Variants in GRIN2D observed in about 807,000 individuals in gnomAD.
GRIN2D encodes glutamate receptor ionotropic, NMDA 2D.
Under a neutral mutation model 103.2 loss-of-function variants are expected in GRIN2D, and 37 were observed. The ratio of observed to expected loss-of-function variants is 0.36; its 90% CI spans 0.28 to 0.47. GRIN2D has a LOEUF of 0.47. GRIN2D is among the 20% of genes least tolerant of loss of function. The pLI, the probability that GRIN2D is intolerant of heterozygous loss-of-function variation, is 1.00. For missense variants in GRIN2D, 1,557 were observed against 1,910.6 expected, an observed-to-expected ratio of 0.81 and a Z score of 3.45; for synonymous variants, 845 against 885.6, an observed-to-expected ratio of 0.95 and a Z score of 0.81.
intron 7 of GRIN2D, 111 bp from the exon 8 acceptor site, chr19:48,415,891 C>A: frequency 1.1e-6 from 1 of 932,702 alleles, no homozygotes; most frequent in Non-Finnish European, 1.7e-6. Context: ...TTGGCCCCTT[C>A]CCTCACCCTG....
chr19:48,420,091 C>G (rs1971001826), intron 10 of GRIN2D, among the ~76,000 whole-genome samples: 1 of 152,074 alleles, frequency 6.6e-6, no homozygotes, highest in Admixed American at 6.6e-5. Context: ...ATAGGATATT[C>G]TAGAACCAGT....
Position 48,419,228 on chromosome 19 carries a change from C to T in GRIN2D, c.1736-6C>T. Reference sequence around the variant, plus strand: ...GAGCCATAACCACGCACTCCCTTGTCCCCAGAGCCCTACAGCCCCGCCGTG... The same window carrying T: ...GAGCCATAACCACGCACTCCCTTGTTCCCAGAGCCCTACAGCCCCGCCGTG... On this transcript the variant is annotated splice_polypyrimidine_tract_variant and splice_region_variant and intron_variant, in intron 8 of 13. Transcript: ENST00000263269. 6.2e-7 allele frequency: 1 copy of T among 1,604,468 alleles called. No individual in the cohort carries two copies. The highest frequency in any genetic ancestry group is 1.7e-4 in the Middle Eastern group (1 of 5,982).
chr19:48,439,310 A>G (rs1236140469), intron 11 of GRIN2D, among the ~76,000 whole-genome samples: 1 of 152,046 alleles, frequency 6.6e-6, no homozygotes, highest in African/African-American at 2.4e-5. Flanking sequence ...TCAGAGCATA[A>G]GCATTTATCT....
At chr19:48,427,699 C>T (rs964656574) in intron 11 of GRIN2D, among the ~76,000 whole-genome samples, 2 of 151,620 alleles carry the variant, frequency 1.3e-5, no homozygotes, top group African/African-American at 4.8e-5. Flanking sequence ...GGTTGATCCA[C>T]CTTGAACTCT....
chr19:48,441,362 CAAAAAA>C (rs1173219939), intron 11 of GRIN2D, among the ~76,000 whole-genome samples: 54 of 127,308 alleles, frequency 4.2e-4, no homozygotes, highest in African/African-American at 1.6e-3. Context: ...GACTCTGTCT[CAAAAAA>C]AAAAAAAAAA....
At chr19:48,430,781 A>C (rs900190327) in intron 11 of GRIN2D, among the ~76,000 whole-genome samples, 1 of 150,930 alleles carries the variant, frequency 6.6e-6, no homozygotes, top group Non-Finnish European at 1.5e-5. Flanking sequence ...TTAATATGTT[A>C]GAAGTATCAG....
chr19:48,416,767 G>T lies in GRIN2D; in HGVS notation c.1735+612G>T, dbSNP rs1309906344. ...TCTCTTTTTTTTTTTTTCAGACAGA[G>T]TCTCACTCTGTCGCCCAGGCTGGAA... On this transcript the variant is annotated intron_variant, in intron 8 of 13. Transcript: ENST00000263269. Among the ~76,000 whole-genome samples, 6 of 146,284 alleles carry T rather than the reference G, an allele frequency of 4.1e-5. No individual in the cohort carries two copies. The South Asian group carries it at 1.3e-3, about 31-fold the overall frequency.
At chr19:48,426,219 T>C (rs565766925) in intron 11 of GRIN2D, among the ~76,000 whole-genome samples, 49 of 146,224 alleles carry the variant, frequency 3.4e-4, no homozygotes, top group Non-Finnish European at 6.2e-4. Context: ...TTTCTTTCTT[T>C]CTTTCTTTTT....
At chr19:48,441,717 G>A (rs1971293902) in intron 11 of GRIN2D, 52 bp from the exon 12 acceptor site, 1 of 1,485,500 alleles carries the variant, frequency 6.7e-7, no homozygotes, top group South Asian at 1.3e-5. Context: ...AGGCCTGGCG[G>A]CCAGGGCATC....
At chr19:48,406,518 G>A (rs1970793988) in intron 4 of GRIN2D, among the ~76,000 whole-genome samples, 1 of 152,170 alleles carries the variant, frequency 6.6e-6, no homozygotes, top group South Asian at 2.1e-4. Flanking sequence ...CTAAGAGAGG[G>A]TAATTGAGAA....
intron 4 of GRIN2D, 97 bp from the exon 5 acceptor site, chr19:48,413,887 AGCTGGGG>A: frequency 1.4e-6 from 1 of 705,766 alleles, no homozygotes; most frequent in Non-Finnish European, 2.6e-6. Context: ...GAGAGATTCC[AGCTGGGG>A]GCTGGGGCTG....
At position 48,398,773 on chromosome 19, in the gene GRIN2D, G is replaced by A; in HGVS notation, c.381G>A (p.Ala127=). ...FEDDSRAPAV[A]PILDFLSAQT... The stretch of plus-strand genomic sequence containing the variant: ...ACGACTCGCGCGCGCCCGCCGTCGC[G>A]CCCATCCTCGACTTCCTGTCGGCGC... The change falls in exon 3 of 14, where the codon GCG becomes GCA. Residue 127 remains alanine (A), a synonymous_variant. Transcript: ENST00000263269. 3.4e-6 allele frequency: 5 copies of A among 1,461,804 alleles called. No homozygotes were observed. Among genetic ancestry groups the A allele is most frequent in the Non-Finnish European group, 4.5e-6 (5 of 1,112,378 alleles). 90.6% of individuals were successfully genotyped at this position (1,461,804 alleles called of 1,614,324 possible).
chr19:48,410,018 C>T (rs1176308432), intron 4 of GRIN2D, among the ~76,000 whole-genome samples: 1 of 151,406 alleles, frequency 6.6e-6, no homozygotes, highest in African/African-American at 2.4e-5. Flanking sequence ...CTCCTGACCT[C>T]AAGTGATCTG....
chr19:48,403,441 A>AT (rs1970742796), intron 3 of GRIN2D, among the ~76,000 whole-genome samples: 1 of 152,074 alleles, frequency 6.6e-6, no homozygotes, highest in Non-Finnish European at 1.5e-5. Context: ...TCTATTTAAC[A>AT]TTTTTTTCCT....
At chr19:48,402,275 C>T (rs997813107) in intron 3 of GRIN2D, among the ~76,000 whole-genome samples, 9 of 151,902 alleles carry the variant, frequency 5.9e-5, no homozygotes, top group Admixed American at 2.0e-4. Context: ...ACAACTGGAG[C>T]TATCTTTGAA....
At chr19:48,403,562 TG>T (rs1970744568) in intron 3 of GRIN2D, among the ~76,000 whole-genome samples, 1 of 152,164 alleles carries the variant, frequency 6.6e-6, no homozygotes. Flanking sequence ...CTCATGGGCC[TG>T]GTTGAGATCA....
chr19:48,429,729 G>A (rs1166985026), intron 11 of GRIN2D, among the ~76,000 whole-genome samples: 1 of 151,480 alleles, frequency 6.6e-6, no homozygotes, highest in Non-Finnish European at 1.5e-5. Context: ...GTGTGTGTGT[G>A]TGTGTGTGTG....
At chr19:48,408,081 T>C (rs1970812609) in intron 4 of GRIN2D, among the ~76,000 whole-genome samples, 2 of 152,178 alleles carry the variant, frequency 1.3e-5, no homozygotes, top group Admixed American at 1.3e-4. Flanking sequence ...ACACCTGTAA[T>C]CCCAGCACTT....
Position 48,442,995 on chromosome 19 carries a change from CT to C in GRIN2D, c.3071del (p.Phe1024SerfsTer494). 2 of 1,094,822 alleles carry C rather than the reference CT, an allele frequency of 1.8e-6. No homozygotes were observed. Among genetic ancestry groups the C allele is most frequent in the East Asian group, 6.6e-5 (1 of 15,228 alleles). The allele number at this position is 1,094,822 out of a possible 1,614,324, so 67.8% of individuals were successfully genotyped here. A position where few individuals can be genotyped will look rare whatever the true frequency, so the allele number is the denominator to read the frequency against. ...KEPAEPPAGA[F>X]PGFPSPPAPP... ...AGCCAGCCGAGCCCCCCGCCGGCGCCTTCCCCGGCTTCCCGTCGCCGCCCGC... is the reference window on the plus strand; with the variant it reads ...AGCCAGCCGAGCCCCCCGCCGGCGCCTCCCCGGCTTCCCGTCGCCGCCCGC... On this transcript the variant is annotated frameshift_variant, in exon 14 of 14. Transcript: ENST00000263269. LOFTEE classifies it high-confidence loss of function. The surrounding 1 kb of genome is among the most constrained non-coding windows in gnomAD (Gnocchi z 7.2).
Sources: allele counts gnomAD v4.1 joint callset (sites outside exome capture counted in the v4.1 genomes callset), GRCh38; gene constraint gnomAD v4.1.1; non-coding constraint Gnocchi (gnomAD v3.1); transcripts MANE v1.5; gene names NCBI Gene and HGNC (gene_info 2026-07-23, HGNC 2026-07-21).